NIBAN1: variants seen among roughly 807,000 people sequenced by gnomAD.
NIBAN1 encodes the protein niban apoptosis regulator 1, also known as protein Niban 1.
A neutral mutation model predicts 75.1 loss-of-function variants in NIBAN1; 81 were observed. The observed-to-expected ratio is 1.08, with a 90% CI of 0.90 to 1.30. NIBAN1 has a LOEUF of 1.30. NIBAN1 is among the 50% of genes most tolerant of loss of function. NIBAN1 has a pLI of 0.00. For missense variants in NIBAN1, 1,133 were observed against 1,128.1 expected (o/e 1.00, Z -0.06); for synonymous variants, 436 against 424.8 (o/e 1.03, Z -0.32).
chr1:184,864,617 A>T (rs569856661), intron 5 of NIBAN1, among the ~76,000 whole-genome samples: 1 of 152,268 alleles, frequency 6.6e-6, no homozygotes, highest in East Asian at 1.9e-4. Flanking sequence ...TACAGTCACC[A>T]AGGTGACTGT....
intron 5 of NIBAN1, among the ~76,000 whole-genome samples, chr1:184,838,919 G>A (rs760769275): frequency 3.9e-5 from 6 of 152,176 alleles, no homozygotes; most frequent in Admixed American, 1.3e-4. Flanking sequence ...ATGCTGCTAC[G>A]GGGCTCATCT....
chr1:184,845,364 A>T (rs1177097962), intron 5 of NIBAN1, among the ~76,000 whole-genome samples: 2 of 152,248 alleles, frequency 1.3e-5, no homozygotes, highest in Non-Finnish European at 1.5e-5. Flanking sequence ...TGAATGGAAT[A>T]TTATGCAGTC....
At chr1:184,916,690 A>T (rs1306868589) in intron 1 of NIBAN1, among the ~76,000 whole-genome samples, 2 of 152,106 alleles carry the variant, frequency 1.3e-5, no homozygotes, top group Non-Finnish European at 2.9e-5. Context: ...TTTTATATTT[A>T]TAATAAGACA....
intron 1 of NIBAN1, among the ~76,000 whole-genome samples, chr1:184,954,142 T>A (rs1017812102): frequency 2.2e-4 from 34 of 152,166 alleles, no homozygotes; most frequent in Non-Finnish European, 1.3e-4. Flanking sequence ...TGGAAATCGG[T>A]GAGTTAGAGA....
chr1:184,935,244 G>A (rs976853295), intron 1 of NIBAN1, among the ~76,000 whole-genome samples: 3 of 151,926 alleles, frequency 2.0e-5, no homozygotes, highest in Admixed American at 6.6e-5. Context: ...GCTGGGAATC[G>A]TGGTTCACCC....
At position 184,811,530 on chromosome 1, in the gene NIBAN1, G is replaced by A. The variant is rs1288840253; in HGVS notation, c.1174-3295C>T. Reference sequence around the variant, plus strand: ...TTTTTTTTGTTTTTTTTTTTGAGACGGAGTCTCACTCTGTCTCCCAACTAG... The same window carrying A: ...TTTTTTTTGTTTTTTTTTTTGAGACAGAGTCTCACTCTGTCTCCCAACTAG... On this transcript the variant is annotated intron_variant, in intron 9 of 13. Coordinates refer to ENST00000367511, the MANE Select transcript of NIBAN1 (RefSeq NM_052966.4). Among the ~76,000 whole-genome samples, 40 of 8,742 alleles carry A rather than the reference G, an allele frequency of 4.6e-3. No homozygotes were observed. The African/African-American group carries it at 0.067, about 15-fold the overall frequency. The allele number at this position is 8,742 out of a possible 152,430, so 5.7% of individuals were successfully genotyped here.
At position 184,839,895 on chromosome 1, in the gene NIBAN1, C is replaced by A. The variant is rs542723; in HGVS notation, c.602-7933G>T. On this transcript the variant is annotated intron_variant, in intron 5 of 13. Transcript: ENST00000367511. ...TATAGGTGTGAGCCACCGAGCCTGG[C>A]CTGTTCCATTTAATTTTAAGGTTAT... Among the ~76,000 whole-genome samples, 405 of 152,176 alleles carry A rather than the reference C, an allele frequency of 2.7e-3. 1 individual carries two copies. The highest frequency in any genetic ancestry group is 9.4e-3 in the African/African-American group (390 of 41,530).
At chr1:184,872,907 A>C (rs902631208) in intron 5 of NIBAN1, among the ~76,000 whole-genome samples, 3 of 152,222 alleles carry the variant, frequency 2.0e-5, no homozygotes, top group African/African-American at 7.2e-5. Context: ...GGAAATCTGT[A>C]GGTAAGACAC....
In NIBAN1 at chr1:184,890,148, T is replaced by C; in HGVS notation, c.393A>G (p.Glu131=). 6.2e-7 allele frequency: 1 copy of C among 1,613,904 alleles called. No individual in the cohort carries two copies. Among genetic ancestry groups the C allele is most frequent in the Non-Finnish European group, 8.5e-7 (1 of 1,179,846 alleles). Residue 131 remains glutamate (E), a synonymous_variant, in exon 4 of 14, where the codon GAA becomes GAG. Transcript: ENST00000367511. ...AATGCCTGTCAGACAACAGATTATA[T>C]TCATCTTCTGAGGTTAACACCTTGC... ...AGGKVLTSED[E]YNLLSDRHFP...
intron 1 of NIBAN1, among the ~76,000 whole-genome samples, chr1:184,971,437 C>A (rs764843934): frequency 6.6e-6 from 1 of 151,732 alleles, no homozygotes; most frequent in South Asian, 2.1e-4. Flanking sequence ...TTTGGGAGGC[C>A]GAGGCAGGCA....
chr1:184,884,275 G>A (rs529051825), intron 5 of NIBAN1, among the ~76,000 whole-genome samples: 2 of 134,030 alleles, frequency 1.5e-5, no homozygotes, highest in Non-Finnish European at 3.1e-5. Context: ...CTGGGCTGGA[G>A]TGCAGTGGCG....
At chr1:184,822,464 C>T (rs554690662) in intron 8 of NIBAN1, among the ~76,000 whole-genome samples, 2 of 152,292 alleles carry the variant, frequency 1.3e-5, no homozygotes, top group South Asian at 2.1e-4. Flanking sequence ...ATGAATGTGC[C>T]TGGCTGTGTG....
At chr1:184,944,821 C>T (rs982255563) in intron 1 of NIBAN1, among the ~76,000 whole-genome samples, 1 of 152,094 alleles carries the variant, frequency 6.6e-6, no homozygotes, top group Non-Finnish European at 1.5e-5. Context: ...AGCATGGGAA[C>T]TTGAGAATAA....
chr1:184,830,690 C>G (rs1302637034), intron 6 of NIBAN1, among the ~76,000 whole-genome samples: 1 of 151,832 alleles, frequency 6.6e-6, no homozygotes, highest in Non-Finnish European at 1.5e-5. Flanking sequence ...AAAGAGGTAC[C>G]CTAGGAGATG....
intron 5 of NIBAN1, among the ~76,000 whole-genome samples, chr1:184,881,621 G>T (rs2101965681): frequency 6.6e-6 from 1 of 152,318 alleles, no homozygotes; most frequent in Non-Finnish European, 1.5e-5. Context: ...CTGCTCCATA[G>T]ACAGAGCAGC....
At chr1:184,867,740 T>G (rs544100188) in intron 5 of NIBAN1, 1 of 410,744 alleles carries the variant, frequency 2.4e-6, no homozygotes, top group East Asian at 1.6e-4. Flanking sequence ...ATCCTCAAAC[T>G]CTCCTCTGTT....
intron 5 of NIBAN1, among the ~76,000 whole-genome samples, chr1:184,874,153 C>T (rs1005690429): frequency 1.2e-4 from 18 of 150,692 alleles, no homozygotes; most frequent in East Asian, 9.8e-4. Context: ...ATAGAATATA[C>T]GAAATAAAAA....
intron 5 of NIBAN1, among the ~76,000 whole-genome samples, chr1:184,857,720 G>C (rs1655715757): frequency 6.6e-6 from 1 of 151,824 alleles, no homozygotes; most frequent in Admixed American, 6.6e-5. Context: ...AGGTTATCTA[G>C]GTATTCTTTT....
At chr1:184,845,037 T>C (rs1571513173) in intron 5 of NIBAN1, among the ~76,000 whole-genome samples, 1 of 152,234 alleles carries the variant, frequency 6.6e-6, no homozygotes, top group African/African-American at 2.4e-5. Context: ...GAAGAACCAG[T>C]ACCGCCAACA....
Sources: gnomAD v4.1 joint callset for allele counts (sites outside exome capture counted in the v4.1 genomes callset) on GRCh38, gnomAD v4.1.1 for gene constraint, MANE v1.5 for transcripts, NCBI Gene and HGNC (gene_info 2026-07-23, HGNC 2026-07-21) for gene names.